GPC6: variants seen among roughly 807,000 people sequenced by gnomAD.
GPC6 encodes glypican-6.
GPC6 carries 14 observed loss-of-function variants against 55.2 expected under a neutral mutation model. The ratio of observed to expected loss-of-function variants is 0.25; its 90% CI spans 0.17 to 0.40. The LOEUF is 0.40. GPC6 is among the 10% of genes least tolerant of loss of function. The probability of loss-of-function intolerance (pLI) is 1.00; values close to 1 mark genes in which losing one functional copy is unlikely to be tolerated. For missense variants in GPC6, 641 were observed against 708.5 expected, an observed-to-expected ratio of 0.90 and a Z score of 1.08; for synonymous variants, 278 against 259.6, an observed-to-expected ratio of 1.07 and a Z score of -0.68.
chr13:93,992,681 A>C (rs1368078888), intron 3 of GPC6, among the ~76,000 whole-genome samples: 2 of 152,206 alleles, frequency 1.3e-5, no homozygotes, highest in Non-Finnish European at 2.9e-5. Flanking sequence ...TATTATCATG[A>C]GATCTTGGTG....
chr13:93,282,370 A>C (rs1350380322), intron 1 of GPC6, among the ~76,000 whole-genome samples: 1 of 152,122 alleles, frequency 6.6e-6, no homozygotes, highest in African/African-American at 2.4e-5. Flanking sequence ...GAAAATTTTC[A>C]TACCAAACCC....
chr13:93,384,951 A>G (rs984954622), intron 1 of GPC6, among the ~76,000 whole-genome samples: 7 of 152,230 alleles, frequency 4.6e-5, no homozygotes, highest in African/African-American at 1.7e-4. Flanking sequence ...ATGTTGAGGG[A>G]AGCAGATGTG....
rs572779503 is a variant in GPC6, at chr13:93,288,282, T to G, written c.160+60666T>G. ...GTGTGTTATCTTGTAATTTCAAGTG[T>G]GGATATTTTAAATCCTGAAGAAATG... On this transcript the variant is annotated intron_variant, in intron 1 of 8. Transcript: ENST00000377047. Among the ~76,000 whole-genome samples the G allele has an allele frequency of 3.9e-4, 59 of 152,284 alleles. No homozygotes were observed. In the South Asian group the frequency reaches 0.012, roughly 30 times the overall value.
chr13:93,951,988 G>C (rs1285130438), intron 3 of GPC6, among the ~76,000 whole-genome samples: 1 of 152,136 alleles, frequency 6.6e-6, no homozygotes, highest in Non-Finnish European at 1.5e-5. Context: ...CAAACAACAT[G>C]CTAGTTGATG....
chr13:94,218,104 C>G (rs7337873), intron 4 of GPC6, among the ~76,000 whole-genome samples: 1 of 151,968 alleles, frequency 6.6e-6, no homozygotes, highest in Admixed American at 6.6e-5. Flanking sequence ...AAAATGCTCT[C>G]ATTTCGGGCT....
At position 93,392,694 on chromosome 13, in the gene GPC6, GT is replaced by G. The variant is rs551056188; in HGVS notation, c.161-152565del. On this transcript the variant is annotated intron_variant, in intron 1 of 8. Transcript: ENST00000377047. Reference sequence around the variant, plus strand: ...TGGGCAATGTTTCCTTTTTTCCCAAGTTTTGCACTTGTTTCAAAGCAATGTC... The same window carrying G: ...TGGGCAATGTTTCCTTTTTTCCCAAGTTTGCACTTGTTTCAAAGCAATGTC... 5.3e-5 allele frequency among the ~76,000 whole-genome samples: 8 copies of G among 152,216 alleles called. No homozygotes were observed. The South Asian group carries it at 1.7e-3, about 32-fold the overall frequency.
intron 1 of GPC6, among the ~76,000 whole-genome samples, chr13:93,231,548 A>G (rs529711650): frequency 4.0e-5 from 6 of 150,594 alleles, no homozygotes; most frequent in African/African-American, 1.5e-4. Flanking sequence ...TATCACTTTG[A>G]CTTTGGATTT....
At chr13:93,989,639 G>A (rs961629305) in intron 3 of GPC6, among the ~76,000 whole-genome samples, 1 of 152,116 alleles carries the variant, frequency 6.6e-6, no homozygotes, top group African/African-American at 2.4e-5. Context: ...GTGCTATGCT[G>A]CCATCAAGCA....
intron 2 of GPC6, among the ~76,000 whole-genome samples, chr13:93,682,232 G>A (rs1881870159): frequency 6.6e-6 from 1 of 152,148 alleles, no homozygotes; most frequent in Non-Finnish European, 1.5e-5. Flanking sequence ...TGTCCCAGGA[G>A]CAACGCAACG....
chr13:94,364,210 T>C (rs1197219283), intron 6 of GPC6, among the ~76,000 whole-genome samples: 1 of 152,186 alleles, frequency 6.6e-6, no homozygotes, highest in East Asian at 1.9e-4. Flanking sequence ...GGGCTGCCTA[T>C]GACACTTCTG....
At chr13:94,127,784 G>T (rs914929392) in intron 4 of GPC6, among the ~76,000 whole-genome samples, 7 of 152,166 alleles carry the variant, frequency 4.6e-5, no homozygotes, top group African/African-American at 1.7e-4. Context: ...CAGGTGACTG[G>T]TTTAGTGTTA....
intron 4 of GPC6, among the ~76,000 whole-genome samples, chr13:94,168,565 GGCCCTGGGC>G: frequency 6.6e-6 from 1 of 151,764 alleles, no homozygotes; most frequent in South Asian, 2.1e-4. Flanking sequence ...GACTTTCATG[GGCCCTGGGC>G]ACTTTTGCCT....
chr13:94,019,142 A>T (rs1423621937), intron 3 of GPC6, among the ~76,000 whole-genome samples: 1 of 152,080 alleles, frequency 6.6e-6, no homozygotes, highest in Non-Finnish European at 1.5e-5. Flanking sequence ...ATTTTTCTTG[A>T]TTCTTCTTTA....
At position 94,278,956 on chromosome 13, in the gene GPC6, G is replaced by A. The variant is rs146256381; in HGVS notation, c.878-7393G>A. On this transcript the variant is annotated intron_variant, in intron 4 of 8. Coordinates refer to ENST00000377047, the MANE Select transcript of GPC6 (RefSeq NM_005708.5). ...CAGTATGATGCTGGCTTCATAAAAT[G>A]AGTTAGGGAGGAGTCCCTCCTTTTC... Among the ~76,000 whole-genome samples, 389 of 152,296 alleles carry A rather than the reference G, an allele frequency of 2.6e-3. 5 individuals are homozygous for A. The East Asian group carries it at 0.037, about 15-fold the overall frequency.
chr13:94,271,281 G>A (rs1241587340), intron 4 of GPC6, among the ~76,000 whole-genome samples: 6 of 151,176 alleles, frequency 4.0e-5, no homozygotes, highest in Admixed American at 2.0e-4. Context: ...ATGAGCCACC[G>A]CACCTGGCCA....
At chr13:94,081,844 C>CTTT (rs201141414) in intron 4 of GPC6, among the ~76,000 whole-genome samples, 1 of 132,990 alleles carries the variant, frequency 7.5e-6, no homozygotes, top group African/African-American at 2.8e-5. Context: ...TACTACTTTC[C>CTTT]TTTTTTTTTT....
At chr13:94,383,463 G>A (rs142877196) in intron 7 of GPC6, among the ~76,000 whole-genome samples, 167 of 152,308 alleles carry the variant, frequency 1.1e-3, no homozygotes, top group African/African-American at 3.8e-3. Context: ...AGGAGCGGTG[G>A]CTCACGCCTG....
At chr13:93,572,144 T>G (rs1566429832) in intron 2 of GPC6, among the ~76,000 whole-genome samples, 1 of 152,166 alleles carries the variant, frequency 6.6e-6, no homozygotes, top group African/African-American at 2.4e-5. Context: ...CCAGATTCAA[T>G]TCAAGGAAAC....
chr13:93,778,122 C>T (rs1374002894), intron 2 of GPC6, among the ~76,000 whole-genome samples: 1 of 152,150 alleles, frequency 6.6e-6, no homozygotes, highest in Non-Finnish European at 1.5e-5. Flanking sequence ...CCTGCTTTCC[C>T]TGCTAAATCT....
Sources: allele counts gnomAD v4.1 joint callset (sites outside exome capture counted in the v4.1 genomes callset), GRCh38; gene constraint gnomAD v4.1.1; transcripts MANE v1.5; gene names NCBI Gene and HGNC (gene_info 2026-07-23, HGNC 2026-07-21).